OTUD6B: variants seen among roughly 807,000 people sequenced by gnomAD.
OTUD6B encodes deubiquitinase OTUD6B.
In OTUD6B, 41 loss-of-function variants were observed where a neutral mutation model predicts 36.9. That is an observed-to-expected ratio of 1.11 (90% CI 0.87 to 1.44). The LOEUF (loss-of-function observed/expected upper bound fraction) is 1.44. Among genes scored for constraint, OTUD6B ranks in the 40% most tolerant of loss-of-function variants. OTUD6B has a pLI of 0.00. For missense variants in OTUD6B, 356 were observed against 344.8 expected, an observed-to-expected ratio of 1.03 and a Z score of -0.26; for synonymous variants, 114 against 114.2, an observed-to-expected ratio of 1.00 and a Z score of 0.01.
chr8:91,076,913 G>C (rs574270364), intron 3 of OTUD6B, among the ~76,000 whole-genome samples: 11 of 152,050 alleles, frequency 7.2e-5, no homozygotes, highest in Admixed American at 2.6e-4. Flanking sequence ...AGATATTACT[G>C]CTTTTGATTC....
At chr8:91,074,387 G>A (rs149275853) in intron 3 of OTUD6B, among the ~76,000 whole-genome samples, 2 of 152,160 alleles carry the variant, frequency 1.3e-5, no homozygotes, top group African/African-American at 4.8e-5. Context: ...ACATGTGTAG[G>A]TATACAAAAT....
At chr8:91,079,420 A>G (rs554272161) in intron 4 of OTUD6B, among the ~76,000 whole-genome samples, 9 of 152,174 alleles carry the variant, frequency 5.9e-5, no homozygotes, top group African/African-American at 2.2e-4. Flanking sequence ...GAGGAAAGGT[A>G]GAGAGTGATG....
Position 91,085,609 on chromosome 8 carries a change from A to T in OTUD6B, c.*741A>T, listed in dbSNP as rs898407386. ...TAATAGGTTACTGTCTTTTTAATGC[A>T]TTTGTTATTCTTTCGTATTTTTTAA... On this transcript the variant is annotated 3_prime_UTR_variant, in exon 7 of 7. Transcript: ENST00000404789. 4.6e-5 allele frequency: 7 copies of T among 152,096 alleles called. No individual in the cohort carries two copies. The highest frequency in any genetic ancestry group is 6.8e-3 in the Middle Eastern group (2 of 292). 9.4% of individuals were successfully genotyped at this position (152,096 alleles called of 1,614,324 possible).
intron 3 of OTUD6B, among the ~76,000 whole-genome samples, chr8:91,074,926 C>T (rs1812774835): frequency 6.6e-6 from 1 of 152,014 alleles, no homozygotes; most frequent in Non-Finnish European, 1.5e-5. Flanking sequence ...ACTTCATAAG[C>T]TAATTCATTG....
rs1006877896 is a variant in OTUD6B, at chr8:91,086,403, A to C, written c.*1535A>C. On this transcript the variant is annotated 3_prime_UTR_variant, in exon 7 of 7. Coordinates refer to ENST00000404789, the MANE Select transcript of OTUD6B (RefSeq NM_016023.5). Reference sequence around the variant, plus strand: ...CCATTCTGCCTGCCAAACAAATTATATTCTGAAGATGCCTGTTTTGTAACC... The same window carrying C: ...CCATTCTGCCTGCCAAACAAATTATCTTCTGAAGATGCCTGTTTTGTAACC... 2 of 152,094 alleles carry C rather than the reference A, an allele frequency of 1.3e-5. No individual in the cohort carries two copies. The highest frequency in any genetic ancestry group is 4.8e-5 in the African/African-American group (2 of 41,438). 9.4% of individuals were successfully genotyped at this position (152,094 alleles called of 1,614,324 possible).
Position 91,071,200 on chromosome 8 carries a change from A to G in OTUD6B, c.145A>G (p.Thr49Ala), listed in dbSNP as rs752473898. The change falls in exon 2 of 7, where the codon ACC (threonine) becomes GCC (alanine). Residue 49 changes from threonine (T) to alanine (A), a missense_variant. Coordinates refer to ENST00000404789, the MANE Select transcript of OTUD6B (RefSeq NM_016023.5). ...KNDKKRRKQL[T>A]EDVAKLEKEM... ...TGACAAGAAGAGGAGGAAGCAACTC[A>G]CCGAAGATGTGGCCAAGTTGGAAAA... 11 of 1,613,682 alleles carry G rather than the reference A, an allele frequency of 6.8e-6. No individual in the cohort carries two copies. The highest frequency in any genetic ancestry group is 8.5e-6 in the Non-Finnish European group (10 of 1,179,742).
In OTUD6B at chr8:91,078,590, G is replaced by A. The variant is rs771021419; in HGVS notation, c.550G>A (p.Ala184Thr). ...LTVVALRSQT[A>T]EYMQSHVEDF... ...TGTGGTTGCCTTGAGAAGTCAGACC[G>A]CTGAGTATATGCAAAGCCATGTGGA... The change falls in exon 4 of 7, where the codon GCT becomes ACT. Residue 184 changes from alanine (A) to threonine (T), a missense_variant. Transcript: ENST00000404789. 9.4e-6 allele frequency: 15 copies of A among 1,603,926 alleles called. No homozygotes were observed. Among genetic ancestry groups the A allele is most frequent in the African/African-American group, 1.3e-5 (1 of 74,716 alleles).
rs766189914 is a variant in OTUD6B, at chr8:91,086,844, A to G, written c.*1976A>G. ...TGACAGATGTTAATTTAAAAGCAGC[A>G]TATGCTAATTTACTTTTTCATATGA... On this transcript the variant is annotated 3_prime_UTR_variant, in exon 7 of 7. Transcript: ENST00000404789. 10 of 152,122 alleles carry G rather than the reference A, an allele frequency of 6.6e-5. No homozygotes were observed. The highest frequency in any genetic ancestry group is 4.4e-5 in the Non-Finnish European group (3 of 67,948). The allele number at this position is 152,122 out of a possible 1,614,324, so 9.4% of individuals were successfully genotyped here.
chr8:91,073,560 G>T (rs565107666), intron 2 of OTUD6B: 5 of 156,406 alleles, frequency 3.2e-5, no homozygotes, highest in African/African-American at 9.6e-5. Context: ...ATGAGTTGGC[G>T]CTTACAGGAA....
At chr8:91,078,922 T>A (rs1812850863) in intron 4 of OTUD6B, 1 of 284,524 alleles carries the variant, frequency 3.5e-6, no homozygotes, top group East Asian at 6.4e-5. Context: ...GAAGTAGGAA[T>A]AAGAGTCATT....
At chr8:91,070,698 G>C (rs1405348650) in intron 1 of OTUD6B, among the ~76,000 whole-genome samples, 1 of 151,910 alleles carries the variant, frequency 6.6e-6, no homozygotes, top group Non-Finnish European at 1.5e-5. Flanking sequence ...CGCCGCCGCC[G>C]GGGTGCAGGT....
At chr8:91,083,383 A>C (rs573383992) in intron 5 of OTUD6B, among the ~76,000 whole-genome samples, 4 of 152,170 alleles carry the variant, frequency 2.6e-5, no homozygotes, top group Non-Finnish European at 4.4e-5. Context: ...GTAGACTAGT[A>C]TAATATACCT....
intron 3 of OTUD6B, among the ~76,000 whole-genome samples, chr8:91,074,520 A>G (rs1197823474): frequency 6.6e-6 from 1 of 152,112 alleles, no homozygotes; most frequent in Non-Finnish European, 1.5e-5. Flanking sequence ...GGATATTCCA[A>G]ATAGGAGGAG....
At chr8:91,073,212 G>A (rs182655334) in intron 2 of OTUD6B, among the ~76,000 whole-genome samples, 100 of 152,176 alleles carry the variant, frequency 6.6e-4, no homozygotes, top group African/African-American at 2.1e-3. Context: ...AGTAATAATG[G>A]CTACTCATCC....
chr8:91,076,542 G>A (rs750479367), intron 3 of OTUD6B: 2 of 1,525,122 alleles, frequency 1.3e-6, no homozygotes, highest in Non-Finnish European at 1.8e-6. Flanking sequence ...AATAGTACAT[G>A]ACATCATTAA....
chr8:91,080,506 GT>G lies in OTUD6B; in HGVS notation c.629-160del, dbSNP rs1262153098. On this transcript the variant is annotated intron_variant, in intron 4 of 6. Coordinates refer to ENST00000404789, the MANE Select transcript of OTUD6B (RefSeq NM_016023.5). ...GTGGTAGAAAGTTGGGGTGAATTAAGTTTGGACCTGGGAGTTAGATTAGATT... is the reference window on the plus strand; with the variant it reads ...GTGGTAGAAAGTTGGGGTGAATTAAGTTGGACCTGGGAGTTAGATTAGATT... 7.5e-6 allele frequency: 7 copies of G among 929,694 alleles called. No homozygotes were observed. The African/African-American group carries it at 1.1e-4, about 14-fold the overall frequency. 57.6% of individuals were successfully genotyped at this position (929,694 alleles called of 1,614,324 possible). A position where few individuals can be genotyped will look rare whatever the true frequency, so the allele number is the denominator to read the frequency against.
chr8:91,070,609 C>T (rs1169468754), intron 1 of OTUD6B, 143 bp downstream of exon 1: 5 of 755,232 alleles, frequency 6.6e-6, no homozygotes, highest in Non-Finnish European at 1.1e-5. Flanking sequence ...CTTCTCTCTT[C>T]ACCTACCCCG....
At chr8:91,084,754 C>A in intron 6 of OTUD6B, 30 bp from the exon 7 acceptor site, 1 of 1,422,548 alleles carries the variant, frequency 7.0e-7, no homozygotes. Context: ...TTCATCAAAA[C>A]TACTCATTTC....
intron 2 of OTUD6B, among the ~76,000 whole-genome samples, chr8:91,073,244 C>CT (rs570724278): frequency 6.6e-6 from 1 of 151,178 alleles, no homozygotes; most frequent in African/African-American, 2.4e-5. Flanking sequence ...AGTCTAGCAT[C>CT]TTTTTTTTTA....
Sources: gnomAD v4.1 joint callset for allele counts (sites outside exome capture counted in the v4.1 genomes callset) on GRCh38, gnomAD v4.1.1 for gene constraint, MANE v1.5 for transcripts, NCBI Gene and HGNC (gene_info 2026-07-23, HGNC 2026-07-21) for gene names.